Variants in ZNF106 observed in about 807,000 individuals in gnomAD.
ZNF106 encodes the protein SH3-domain binding protein 3.
Under a neutral mutation model 195.1 loss-of-function variants are expected in ZNF106, and 67 were observed. The observed-to-expected ratio is 0.34, with a 90% CI of 0.28 to 0.42. The LOEUF (loss-of-function observed/expected upper bound fraction) is 0.42, where lower values mean the gene tolerates loss of function less well. Ranked by LOEUF, ZNF106 falls within the 10% of genes least tolerant of loss-of-function variation. The pLI is 1.00. For synonymous variants in ZNF106, 784 were observed against 818.6 expected (o/e 0.96, Z 0.72); for missense variants, 2,118 against 2,304.5 (o/e 0.92, Z 1.66).
chr15:42,440,392 C>T (rs2055453252), intron 10 of ZNF106, among the ~76,000 whole-genome samples: 1 of 152,088 alleles, frequency 6.6e-6, no homozygotes, highest in East Asian at 1.9e-4. Flanking sequence ...AAAAGATTCA[C>T]CACATAAATT....
In ZNF106 at chr15:42,448,619, C is replaced by A. The variant is rs764033455; in HGVS notation, c.2588G>T (p.Gly863Val). The A allele has an allele frequency of 1.5e-5, 25 of 1,613,904 alleles. No individual in the cohort carries two copies. Among genetic ancestry groups the A allele is most frequent in the Non-Finnish European group, 2.0e-5 (24 of 1,180,034 alleles). ...AATGGAAACACCTTCCCACTGGAAT[C>A]CTTCTAGACTGGACAGATCAGGTTC... ...DGEPDLSSLE[G>V]FQWEGVSISS... The change falls in exon 6 of 22, where the codon GGA becomes GTA. Residue 863 changes from glycine (G) to valine (V), a missense_variant. By Grantham distance (109) the Gly-to-Val change is moderately radical. Transcript: ENST00000564754.
intron 1 of ZNF106, 102 bp from the exon 2 acceptor site, chr15:42,472,423 C>A: frequency 3.9e-6 from 3 of 768,356 alleles, no homozygotes; most frequent in South Asian, 2.1e-5. Context: ...CTCACCTCCA[C>A]CTTGCTCCTC....
At chr15:42,464,195 C>G (rs538553634) in intron 3 of ZNF106, among the ~76,000 whole-genome samples, 1 of 147,478 alleles carries the variant, frequency 6.8e-6, no homozygotes, top group African/African-American at 2.4e-5. Context: ...CTAAAATTAG[C>G]CGGATGTGGT....
Position 42,448,270 on chromosome 15 carries a change from G to C in ZNF106, c.2937C>G (p.Asn979Lys), listed in dbSNP as rs745644336. The C allele has an allele frequency of 2.0e-5, 33 of 1,614,174 alleles. No individual in the cohort carries two copies. The African/African-American group carries it at 3.1e-4, about 15-fold the overall frequency. Reference sequence around the variant, plus strand: ...ACGGTGGTATAGACCTCTCCTGGCTGTTCAAGTCTTTTGCCAAATGCATCA... The same window carrying C: ...ACGGTGGTATAGACCTCTCCTGGCTCTTCAAGTCTTTTGCCAAATGCATCA... ...IPLMHLAKDL[N>K]SQERSIPPSE... Residue 979 changes from asparagine to lysine, a missense_variant, in exon 6 of 22, where the codon AAC becomes AAG. By Grantham distance (94) the Asn-to-Lys change is moderately conservative. Transcript: ENST00000564754.
rs2054473877 is a variant in ZNF106, at chr15:42,416,773, C to G, written c.*531G>C. Reference sequence around the variant, plus strand: ...TATCTATAAAGCAAGAAAACAGTGACACACACTGCACATAATTGTTAAGAA... The same window carrying G: ...TATCTATAAAGCAAGAAAACAGTGAGACACACTGCACATAATTGTTAAGAA... On this transcript the variant is annotated 3_prime_UTR_variant, in exon 22 of 22. Coordinates refer to ENST00000564754, the MANE Select transcript of ZNF106 (RefSeq NM_001366845.3). The G allele has an allele frequency of 6.6e-6, 1 of 152,302 alleles. No individual in the cohort carries two copies. Among genetic ancestry groups the G allele is most frequent in the Non-Finnish European group, 1.5e-5 (1 of 68,132 alleles). The allele number at this position is 152,302 out of a possible 1,614,324, so 9.4% of individuals were successfully genotyped here.
chr15:42,470,774 C>T (rs2056648236), intron 2 of ZNF106, among the ~76,000 whole-genome samples: 1 of 152,160 alleles, frequency 6.6e-6, no homozygotes, highest in Non-Finnish European at 1.5e-5. Context: ...ACATCTTCTC[C>T]CTACCTCTGT....
At chr15:42,460,492 A>C (rs1280291289) in intron 3 of ZNF106, among the ~76,000 whole-genome samples, 1 of 152,258 alleles carries the variant, frequency 6.6e-6, no homozygotes, top group Non-Finnish European at 1.5e-5. Flanking sequence ...GAGAAAGAAT[A>C]TAACCATAGT....
chr15:42,457,857 TGAGA>T (rs1441735984), intron 3 of ZNF106, among the ~76,000 whole-genome samples: 1 of 152,194 alleles, frequency 6.6e-6, no homozygotes, highest in Admixed American at 6.5e-5. Context: ...ATGCTACAGT[TGAGA>T]GAGATGCAAA....
At position 42,421,983 on chromosome 15, in the gene ZNF106, A is replaced by G; in HGVS notation, c.5379T>C (p.His1793=). The G allele has an allele frequency of 6.3e-7, 1 of 1,581,440 alleles. No individual in the cohort carries two copies. The part of the protein sequence containing the change: ...KFVRVYELQS[H]DRLQVYGGHK... ...GTCCTCCATAAACTTGTAATCGATC[A>G]TGAGACTTAGGCAGAAAAAAAAAAA... The change falls in exon 19 of 22, where the codon CAT becomes CAC. Residue 1793 remains histidine (H), a synonymous_variant. Coordinates refer to ENST00000564754, the MANE Select transcript of ZNF106 (RefSeq NM_001366845.3).
intron 1 of ZNF106, among the ~76,000 whole-genome samples, chr15:42,478,684 G>A (rs1464585630): frequency 6.6e-6 from 1 of 151,798 alleles, no homozygotes; most frequent in Non-Finnish European, 1.5e-5. Flanking sequence ...GCTAACTTTT[G>A]TGTTTTTAGT....
rs755396875 is a variant in ZNF106, at chr15:42,450,027, C to T, written c.2245G>A (p.Ala749Thr). 6.2e-7 allele frequency: 1 copy of T among 1,614,186 alleles called. No individual in the cohort carries two copies. The highest frequency in any genetic ancestry group is 8.5e-7 in the Non-Finnish European group (1 of 1,180,040). ...CGGGTTAGATCCCTCTGAAGTGAGG[C>T]AGGAAAGCCAAGCTTACTTAGTTCA... is the stretch of plus-strand genomic sequence containing the variant. ...LPELSKLGFP[A>T]SLQRDLTRHI... Residue 749 changes from alanine (A) to threonine (T), a missense_variant, in exon 5 of 22, where the codon GCC (alanine) becomes ACC (threonine). Transcript: ENST00000564754.
Position 42,451,661 on chromosome 15 carries a change from G to C in ZNF106, c.611C>G (p.Ser204Cys). The C allele has an allele frequency of 6.2e-7, 1 of 1,614,162 alleles. No individual in the cohort carries two copies. The highest frequency in any genetic ancestry group is 8.5e-7 in the Non-Finnish European group (1 of 1,180,048). Residue 204 changes from serine (S) to cysteine (C), a missense_variant, in exon 5 of 22, where the codon TCT (serine) becomes TGT (cysteine). Transcript: ENST00000564754. ...SSTWFHNHSN[S>C]GGGWLSNSGA... The stretch of plus-strand genomic sequence containing the variant: ...ACTATTTGAAAGCCAACCACCTCCA[G>C]AATTACTATGGTTGTGAAACCAAGT...
At position 42,472,226 on chromosome 15, in the gene ZNF106, C is replaced by T. The variant is rs2056687704; in HGVS notation, c.54+10G>A. The T allele has an allele frequency of 1.3e-6, 2 of 1,534,158 alleles. No homozygotes were observed. The highest frequency in any genetic ancestry group is 2.0e-5 in the Admixed American group (1 of 50,860). On this transcript the variant is annotated intron_variant, in intron 2 of 21. Coordinates refer to ENST00000564754, the MANE Select transcript of ZNF106 (RefSeq NM_001366845.3). ...CATAAAGCCTCAGATTCTCCCTCTT[C>T]CATTATTACCTTTTTTGAGCTGTAC...
chr15:42,424,051 C>T lies in ZNF106; in HGVS notation c.5200G>A (p.Asp1734Asn). The stretch of plus-strand genomic sequence containing the variant: ...TCACTGGAGCCACTGAACACGAGAT[C>T]ATTCACCACCTTAAAGAAAAAATTA... ...KTILCMKVVN[D>N]LVFSGSSDQS... Residue 1734 changes from aspartate (D) to asparagine (N), a missense_variant, in exon 17 of 22, where the codon GAT becomes AAT. By Grantham distance (23) the Asp-to-Asn change is conservative. Coordinates refer to ENST00000564754, the MANE Select transcript of ZNF106 (RefSeq NM_001366845.3). The T allele has an allele frequency of 6.2e-7, 1 of 1,612,512 alleles. No individual in the cohort carries two copies. Among genetic ancestry groups the T allele is most frequent in the Non-Finnish European group, 8.5e-7 (1 of 1,179,562 alleles).
Position 42,439,597 on chromosome 15 carries a change from GACCC to G in ZNF106, c.3976_3979del (p.Gly1326LeufsTer9). 1.2e-6 allele frequency: 2 copies of G among 1,614,138 alleles called. No homozygotes were observed. Among genetic ancestry groups the G allele is most frequent in the Non-Finnish European group, 1.7e-6 (2 of 1,180,022 alleles). On this transcript the variant is annotated frameshift_variant, in exon 11 of 22. Transcript: ENST00000564754. LOFTEE classifies it high-confidence loss of function. ...TAGAAAAGAACTGGTACAGGCTTCA[GACCC>G]ACTATTGCCTTTGGTTGGCTCTTCC...
At chr15:42,425,935 T>C (rs1427946596) in intron 15 of ZNF106, among the ~76,000 whole-genome samples, 3 of 152,168 alleles carry the variant, frequency 2.0e-5, no homozygotes, top group African/African-American at 4.8e-5. Context: ...TATCTCAGAT[T>C]TTAGACTTCT....
intron 4 of ZNF106, among the ~76,000 whole-genome samples, chr15:42,453,091 AT>A (rs1191557122): frequency 6.6e-6 from 1 of 152,096 alleles, no homozygotes; most frequent in Non-Finnish European, 1.5e-5. Context: ...TTCTTAACCT[AT>A]TTTAAATAAG....
At chr15:42,446,693 G>A (rs758447056) in intron 6 of ZNF106, 35 bp from the exon 7 acceptor site, 1 of 1,530,546 alleles carries the variant, frequency 6.5e-7, no homozygotes, top group South Asian at 1.2e-5. Context: ...AAAATCCAAT[G>A]TGTAAAAGCC....
chr15:42,429,828 C>T (rs769263456), intron 14 of ZNF106, among the ~76,000 whole-genome samples: 3 of 151,890 alleles, frequency 2.0e-5, no homozygotes, highest in Admixed American at 1.3e-4. Context: ...GGCACATGTA[C>T]CAATACAGAT....
Sources: allele counts gnomAD v4.1 joint callset (sites outside exome capture counted in the v4.1 genomes callset), GRCh38; gene constraint gnomAD v4.1.1; transcripts MANE v1.5; gene names NCBI Gene and HGNC (gene_info 2026-07-23, HGNC 2026-07-21).